The following ADAMTS13 variants were observed in gnomAD, a reference collection of about 807,000 sequenced individuals.
The protein encoded by ADAMTS13 is ADAM metallopeptidase with thrombospondin type 1 motif 13, also known as A disintegrin and metalloproteinase with thrombospondin motifs 13.
Under a neutral mutation model 155.1 loss-of-function variants are expected in ADAMTS13, and 110 were observed. The observed-to-expected ratio is 0.71, with a 90% CI of 0.61 to 0.83. The LOEUF is 0.83. Among genes scored for constraint, ADAMTS13 ranks in the 40% least tolerant of loss-of-function variants. The probability of loss-of-function intolerance (pLI) is 0.00; values close to 1 mark genes in which losing one functional copy is unlikely to be tolerated. For missense variants in ADAMTS13, 1,707 were observed against 1,891.7 expected (o/e 0.90, Z 1.81); for synonymous variants, 758 against 756.4 (o/e 1.00, Z -0.03).
At chr9:133,443,946 C>T (rs1309176438) in intron 19 of ADAMTS13, among the ~76,000 whole-genome samples, 1 of 152,102 alleles carries the variant, frequency 6.6e-6, no homozygotes, top group Non-Finnish European at 1.5e-5. Context: ...TTGACAGTGG[C>T]TTATCATCCT....
At chr9:133,448,173 A>G (rs1406517985) in intron 21 of ADAMTS13, among the ~76,000 whole-genome samples, 1 of 151,728 alleles carries the variant, frequency 6.6e-6, no homozygotes, top group Non-Finnish European at 1.5e-5. Context: ...TATTTTTAGT[A>G]GAGACGGGGT....
Position 133,433,690 on chromosome 9 carries a change from A to T in ADAMTS13, c.1294A>T (p.Met432Leu). 1 of 1,613,516 alleles carries T rather than the reference A, an allele frequency of 6.2e-7. No homozygotes were observed. Among genetic ancestry groups the T allele is most frequent in the Non-Finnish European group, 8.5e-7 (1 of 1,179,958 alleles). The change falls in exon 11 of 29, where the codon ATG becomes TTG. Residue 432 changes from methionine (M) to leucine (L), a missense_variant. Met to Leu is a conservative substitution (Grantham distance 15). This residue lies in a region of ADAMTS13 where 733 missense variants were observed against 749.6 expected (regional missense o/e 0.98). Coordinates refer to ENST00000355699, the MANE Select transcript of ADAMTS13 (RefSeq NM_139027.6). ...TGTTGGTGCTGACCTCCAGGCCGAG[A>T]TGTGCAACACTCAGGTAGGCCTGCT... ...ACVGADLQAE[M>L]CNTQACEKTQ...
chr9:133,438,328 G>A lies in ADAMTS13; in HGVS notation c.1667G>A (p.Ser556Asn). 1.2e-6 allele frequency: 2 copies of A among 1,614,114 alleles called. No individual in the cohort carries two copies. Among genetic ancestry groups the A allele is most frequent in the Non-Finnish European group, 1.7e-6 (2 of 1,180,018 alleles). ...QVCGGDNSTC[S>N]PRKGSFTAGR... ...TGTGGTGGGGACAACAGCACGTGCA[G>A]CCCACGGAAGGGCTCTTTCACAGCT... Residue 556 changes from serine (S) to asparagine (N), a missense_variant, in exon 14 of 29, where the codon AGC becomes AAC. Around this residue, in one of 3 missense-constraint regions of ADAMTS13, gnomAD observed 961 missense variants for 1,107.9 expected, o/e 0.87. Coordinates refer to ENST00000355699, the MANE Select transcript of ADAMTS13 (RefSeq NM_139027.6).
At chr9:133,450,883 G>A (rs1315899752) in intron 23 of ADAMTS13, among the ~76,000 whole-genome samples, 2 of 152,234 alleles carry the variant, frequency 1.3e-5, no homozygotes, top group African/African-American at 4.8e-5. Context: ...TGCAGGCAGG[G>A]TGCAGTGTGG....
rs1840232976 is a variant in ADAMTS13 at position 133,425,667 on chromosome 9, C to T, written c.414+55C>T. On this transcript the variant is annotated intron_variant, in intron 4 of 28. Transcript: ENST00000355699. The surrounding 1 kb of genome is among the most constrained non-coding windows in gnomAD (Gnocchi z 4.6). ...ATACAGAGCGGGAAGCCCAAGTCAT[C>T]GCATCTCCATCCTCTTTAACCTCTT... The T allele has an allele frequency of 1.0e-5, 16 of 1,565,620 alleles. No individual in the cohort carries two copies. The highest frequency in any genetic ancestry group is 1.4e-5 in the African/African-American group (1 of 73,952).
Position 133,448,584 on chromosome 9 carries a change from G to C in ADAMTS13, c.2732-15G>C, listed in dbSNP as rs1554793263. The C allele has an allele frequency of 1.2e-6, 2 of 1,608,402 alleles. No individual in the cohort carries two copies. Among genetic ancestry groups the C allele is most frequent in the South Asian group, 2.2e-5 (2 of 91,008 alleles). On this transcript the variant is annotated splice_polypyrimidine_tract_variant and intron_variant, in intron 21 of 28. Transcript: ENST00000355699. The stretch of plus-strand genomic sequence containing the variant: ...CTGTCCCTTGGGGCTCTGGGTCTCT[G>C]CTTTGTCCACGCAGGTCTGATGGAG...
At chr9:133,443,744 A>G (rs782320712) in intron 19 of ADAMTS13, among the ~76,000 whole-genome samples, 183 bp downstream of exon 19, 2 of 152,164 alleles carry the variant, frequency 1.3e-5, no homozygotes, top group South Asian at 4.1e-4. Flanking sequence ...CTTACTACCC[A>G]GGAGAGCCTG....
intron 11 of ADAMTS13, among the ~76,000 whole-genome samples, chr9:133,435,079 G>A (rs1453144889): frequency 2.0e-5 from 3 of 152,172 alleles, no homozygotes; most frequent in Admixed American, 1.3e-4. Flanking sequence ...GAACAGAGCC[G>A]CTGCGAATGT....
upstream of ADAMTS13, among the ~76,000 whole-genome samples, chr9:133,419,230 T>C (rs2130758590): frequency 6.6e-6 from 1 of 152,086 alleles, no homozygotes; most frequent in Middle Eastern, 3.4e-3. Context: ...GTCTGAGCAA[T>C]TGGGTGTGGC....
Position 133,426,227 on chromosome 9 carries a change from C to A in ADAMTS13, c.568C>A (p.Arg190=). 1 of 1,613,672 alleles carries A rather than the reference C, an allele frequency of 6.2e-7. No homozygotes were observed. The highest frequency in any genetic ancestry group is 1.3e-5 in the African/African-American group (1 of 75,070). Residue 190 remains arginine (R), a synonymous_variant, in exon 6 of 29, where the codon CGG becomes AGG. Transcript: ENST00000355699. ...TGACCTGGAGTTGCCTGATGGTAAC[C>A]GGCAGGTGCGGGGCGTCACCCAGCT... is the stretch of plus-strand genomic sequence containing the variant. The part of the protein sequence containing the change: ...RFDLELPDGN[R]QVRGVTQLGG...
rs782261759 is a variant in ADAMTS13 at position 133,458,978 on chromosome 9, G to T, written c.3914G>T (p.Arg1305Leu). 2 of 1,612,922 alleles carry T rather than the reference G, an allele frequency of 1.2e-6. No individual in the cohort carries two copies. The highest frequency in any genetic ancestry group is 3.3e-5 in the Admixed American group (2 of 60,002). ...EGANASYILI[R>L]DTHSLRTTAF... Reference sequence around the variant, plus strand: ...GGGCTGCCCCTTTTCTCTCAGATCCGGGACACCCACAGCTTGAGGACCACA... The same window carrying T: ...GGGCTGCCCCTTTTCTCTCAGATCCTGGACACCCACAGCTTGAGGACCACA... Residue 1305 changes from arginine to leucine, a missense_variant, in exon 29 of 29, where the codon CGG becomes CTG. Transcript: ENST00000355699.
rs782533352 is a variant in ADAMTS13 at position 133,455,536 on chromosome 9, G to T, written c.3400+101G>T. 15 of 1,610,536 alleles carry T rather than the reference G, an allele frequency of 9.3e-6. No homozygotes were observed. The Admixed American group carries it at 2.5e-4, about 27-fold the overall frequency. The stretch of plus-strand genomic sequence containing the variant: ...TGGAGTGGTCCCAGGCCCGGGGCCT[G>T]CTCTTCTCCCCGGCTCCCCAGCCTC... On this transcript the variant is annotated intron_variant, in intron 25 of 28. Coordinates refer to ENST00000355699, the MANE Select transcript of ADAMTS13 (RefSeq NM_139027.6).
rs915070063 is a variant in ADAMTS13 at position 133,428,685 on chromosome 9, A to G, written c.738A>G (p.Gly246=). Residue 246 remains glycine (G), a synonymous_variant, in exon 7 of 29, where the codon GGA becomes GGG. Transcript: ENST00000355699. ...GAPGSGCGPS[G]HVMASDGAAP... is the part of the protein sequence containing the mutation. ...CCGGCAGCGGCTGCGGCCCCAGCGG[A>G]CACGTGATGGCTTCGGACGGCGCCG... 2 of 1,362,702 alleles carry G rather than the reference A, an allele frequency of 1.5e-6. No individual in the cohort carries two copies. Among genetic ancestry groups the G allele is most frequent in the South Asian group, 1.7e-5 (1 of 60,014 alleles). 84.4% of individuals were successfully genotyped at this position (1,362,702 alleles called of 1,614,324 possible). A position where few individuals can be genotyped will look rare whatever the true frequency, so the allele number is the denominator to read the frequency against.
At position 133,454,553 on chromosome 9, in the gene ADAMTS13, C is replaced by A. The variant is rs782251596; in HGVS notation, c.3183C>A (p.Pro1061=). The change falls in exon 24 of 29, where the codon CCC becomes CCA. Residue 1061 remains proline, a synonymous_variant. Transcript: ENST00000355699. ...CGGCCTGTGCGGCGCTGGTGCGGCC[C>A]GAGGCCAGTGTCCCCTGTCTCATTG... is the stretch of plus-strand genomic sequence containing the variant. The part of the protein sequence containing the change: ...DEAACAALVR[P]EASVPCLIAD... 3 of 1,608,534 alleles carry A rather than the reference C, an allele frequency of 1.9e-6. No individual in the cohort carries two copies. The highest frequency in any genetic ancestry group is 4.5e-5 in the East Asian group (2 of 44,880).
At chr9:133,458,655 CTGATA>C (rs1401416999) in intron 28 of ADAMTS13, among the ~76,000 whole-genome samples, 2 of 149,478 alleles carry the variant, frequency 1.3e-5, no homozygotes, top group Non-Finnish European at 3.0e-5. Flanking sequence ...ATTTTACAGT[CTGATA>C]TAACTTGGAC....
intron 23 of ADAMTS13, among the ~76,000 whole-genome samples, chr9:133,453,073 G>A (rs111783898): frequency 0.011 from 1,626 of 151,978 alleles, 25 homozygotes; most frequent in African/African-American, 0.037. Context: ...AGGCTGAGGC[G>A]GGAGGATTGC....
chr9:133,452,211 C>T (rs1191488737), intron 23 of ADAMTS13, among the ~76,000 whole-genome samples: 1 of 151,632 alleles, frequency 6.6e-6, no homozygotes, highest in Non-Finnish European at 1.5e-5. Flanking sequence ...CTCCTGGGTT[C>T]AAGTGATTTT....
chr9:133,430,215 G>A, intron 8 of ADAMTS13, 114 bp downstream of exon 8: 1 of 1,405,330 alleles, frequency 7.1e-7, no homozygotes, highest in Non-Finnish European at 9.7e-7. Context: ...CTAGGCTGAG[G>A]TACTAAGCCA....
chr9:133,420,337 G>A (rs890383476), upstream of ADAMTS13, among the ~76,000 whole-genome samples: 1 of 152,232 alleles, frequency 6.6e-6, no homozygotes, highest in African/African-American at 2.4e-5. Flanking sequence ...TTAAAGGCGT[G>A]AGCCACCACA....
Sources: gnomAD v4.1 joint callset for allele counts (sites outside exome capture counted in the v4.1 genomes callset) on GRCh38, gnomAD v4.1.1 for gene constraint, gnomAD v4.1.1 regional missense constraint, Gnocchi (gnomAD v3.1) non-coding constraint, MANE v1.5 for transcripts, NCBI Gene and HGNC (gene_info 2026-07-23, HGNC 2026-07-21) for gene names.